TTLL13: variants seen among roughly 807,000 people sequenced by gnomAD.
TTLL13 encodes tubulin tyrosine ligase like 13, also known as tubulin polyglutamylase TTLL13.
At chr15:90,261,359 G>A in the TTLL13 span, among the ~76,000 whole-genome samples, 5 of 147,874 alleles carry the variant, frequency 3.4e-5, no homozygotes, top group East Asian at 2.0e-4. Flanking sequence ...CATTACAGGC[G>A]TGAGCCACCA....
At chr15:90,258,096 T>TG in the TTLL13 span, 2 of 1,614,128 alleles carry the variant, frequency 1.2e-6, no homozygotes, top group Admixed American at 3.3e-5. Context: ...TGGAGAGCTG[T>TG]GGGGGGACAT....
the TTLL13 span, chr15:90,262,043 G>A: frequency 1.3e-6 from 2 of 1,535,702 alleles, no homozygotes; most frequent in Non-Finnish European, 1.7e-6. Flanking sequence ...GGCAATGCTG[G>A]ACCAGGAACG....
chr15:90,258,845 G>A, the TTLL13 span: 1 of 1,614,214 alleles, frequency 6.2e-7, no homozygotes, highest in South Asian at 1.1e-5. Context: ...CCGGGGCTGT[G>A]ACAAAAGGAA....
the TTLL13 span, chr15:90,250,516 A>G: frequency 1.5e-6 from 2 of 1,336,640 alleles, no homozygotes; most frequent in African/African-American, 1.5e-5. Context: ...ACTTTCCCTT[A>G]TAACAGCATG....
At chr15:90,259,251 G>C in the TTLL13 span, among the ~76,000 whole-genome samples, 28 of 151,880 alleles carry the variant, frequency 1.8e-4, no homozygotes, top group Non-Finnish European at 3.7e-4. Flanking sequence ...AATTAGCTGG[G>C]CATGGTGACA....
At chr15:90,250,682 G>A in the TTLL13 span, 2 of 1,614,120 alleles carry the variant, frequency 1.2e-6, no homozygotes, top group South Asian at 1.1e-5. Flanking sequence ...CTATGTTGAG[G>A]AAAAGGAATC....
chr15:90,265,270 C>T, the TTLL13 span: 2 of 1,253,598 alleles, frequency 1.6e-6, no homozygotes, highest in Non-Finnish European at 2.0e-6. Context: ...AGGTGCGGCC[C>T]GGGGCTGGAG....
the TTLL13 span, chr15:90,264,157 C>G: frequency 1.4e-6 from 1 of 728,546 alleles, no homozygotes; most frequent in Non-Finnish European, 2.2e-6. Flanking sequence ...GGCACTTCCA[C>G]CAGTGTAAGA....
At chr15:90,253,660 TAGGGA>T in the TTLL13 span, among the ~76,000 whole-genome samples, 11 of 152,232 alleles carry the variant, frequency 7.2e-5, no homozygotes, top group Admixed American at 7.2e-4. Flanking sequence ...GAGCACATCT[TAGGGA>T]GAATACTGGG....
chr15:90,263,639 TG>T, the TTLL13 span: 1 of 598,418 alleles, frequency 1.7e-6, no homozygotes, highest in Admixed American at 2.9e-5. Flanking sequence ...GGTTAAATAG[TG>T]GCCGCGGCCT....
chr15:90,263,997 A>G, the TTLL13 span: 2 of 1,536,010 alleles, frequency 1.3e-6, no homozygotes, highest in African/African-American at 1.4e-5. Context: ...ACTCCTGTTC[A>G]TTGTCAATGA....
chr15:90,256,437 C>A, the TTLL13 span: 1 of 1,081,114 alleles, frequency 9.2e-7, no homozygotes, highest in Non-Finnish European at 1.3e-6. Context: ...CAGTATCCAG[C>A]CATGGTTCAG....
chr15:90,254,202 TAAAA>T, the TTLL13 span, among the ~76,000 whole-genome samples: 790 of 139,086 alleles, frequency 5.7e-3, 6 homozygotes, highest in Middle Eastern at 0.019. Context: ...TTTTTTTTTT[TAAAA>T]AAAAAAGGCT....
the TTLL13 span, chr15:90,257,702 T>C: frequency 6.2e-7 from 1 of 1,614,200 alleles, no homozygotes; most frequent in Non-Finnish European, 8.5e-7. Context: ...TTGTCCGGGA[T>C]GGCGCTGTGG....
the TTLL13 span, among the ~76,000 whole-genome samples, chr15:90,251,910 T>C: frequency 0.013 from 2,053 of 152,204 alleles, 59 homozygotes; most frequent in African/African-American, 0.047. Context: ...AGTCTCGCTT[T>C]GTCATCCAGG....
At chr15:90,265,351 G>C in the TTLL13 span, 24 of 1,227,520 alleles carry the variant, frequency 2.0e-5, no homozygotes, top group Admixed American at 8.6e-5. Context: ...GTCGCCGTCA[G>C]AAGACTGCCG....
the TTLL13 span, chr15:90,251,610 G>A: frequency 8.0e-3 from 12,889 of 1,613,082 alleles, 78 homozygotes; most frequent in Non-Finnish European, 9.4e-3. Flanking sequence ...CACCCAGCCC[G>A]TCGCTCACAC....
At chr15:90,259,389 CAAA>C in the TTLL13 span, among the ~76,000 whole-genome samples, 1 of 130,858 alleles carries the variant, frequency 7.6e-6, no homozygotes, top group Non-Finnish European at 1.7e-5. Context: ...GACCCTGTTT[CAAA>C]AAAAAAAAAA....
chr15:90,260,850 CAAAAA>C, the TTLL13 span, among the ~76,000 whole-genome samples: 1 of 60,222 alleles, frequency 1.7e-5, no homozygotes, highest in Non-Finnish European at 3.8e-5. Context: ...GACTCTGTCT[CAAAAA>C]AAAAAAAAAA....
Sources: gnomAD v4.1 joint callset for allele counts (sites outside exome capture counted in the v4.1 genomes callset) on GRCh38, gnomAD v4.1.1 for gene constraint, MANE v1.5 for transcripts, NCBI Gene and HGNC (gene_info 2026-07-23, HGNC 2026-07-21) for gene names.